MAPK9: variants seen among roughly 807,000 people sequenced by gnomAD.
MAPK9 encodes the protein Jun kinase.
MAPK9 carries 30 observed loss-of-function variants against 57.1 expected under a neutral mutation model. The ratio of observed to expected loss-of-function variants is 0.53; its 90% CI spans 0.39 to 0.71. MAPK9 has a LOEUF of 0.71. MAPK9 is among the 30% of genes least tolerant of loss of function. The probability of loss-of-function intolerance (pLI) is 0.00; values close to 1 mark genes in which losing one functional copy is unlikely to be tolerated. For synonymous variants in MAPK9, 155 were observed against 177.0 expected (o/e 0.88, Z 0.99); for missense variants, 362 against 521.0 (o/e 0.69, Z 2.97).
intron 4 of MAPK9, 150 bp from the exon 5 acceptor site, chr5:180,261,972 A>G (rs530786163): frequency 2.4e-5 from 14 of 572,456 alleles, no homozygotes; most frequent in Middle Eastern, 5.3e-4. Context: ...AAATTTTCCA[A>G]AGAATATATA....
In MAPK9 at chr5:180,235,299, A is replaced by G. The variant is rs1307042906; in HGVS notation, c.*1085T>C. On this transcript the variant is annotated 3_prime_UTR_variant, in exon 12 of 12. Coordinates refer to ENST00000452135, the MANE Select transcript of MAPK9 (RefSeq NM_002752.5). ...AGCCTGGCCTCTGAAAACAGACCAA[A>G]GAGGAGTTTATCTGCTTTCTTCCAG... 6.6e-6 allele frequency: 1 copy of G among 152,178 alleles called. No individual in the cohort carries two copies. Among genetic ancestry groups the G allele is most frequent in the East Asian group, 1.9e-4 (1 of 5,188 alleles). The allele number at this position is 152,178 out of a possible 1,614,324, so 9.4% of individuals were successfully genotyped here.
chr5:180,273,274 A>G (rs1761514065), intron 2 of MAPK9, among the ~76,000 whole-genome samples: 1 of 152,110 alleles, frequency 6.6e-6, no homozygotes, highest in African/African-American at 2.4e-5. Context: ...ATTTTTTTTC[A>G]GTCATATATC....
chr5:180,259,753 G>A (rs973301778), intron 5 of MAPK9, among the ~76,000 whole-genome samples: 1 of 151,632 alleles, frequency 6.6e-6, no homozygotes, highest in Non-Finnish European at 1.5e-5. Context: ...GCAATGTGGT[G>A]AAGTCTTCAG....
intron 2 of MAPK9, among the ~76,000 whole-genome samples, chr5:180,272,713 T>C (rs931437136): frequency 2.6e-5 from 4 of 152,242 alleles, no homozygotes; most frequent in African/African-American, 9.6e-5. Context: ...TGCTATAAGA[T>C]TCCTTTGTAT....
intron 5 of MAPK9, among the ~76,000 whole-genome samples, chr5:180,254,174 C>G (rs765670680): frequency 6.6e-6 from 1 of 152,126 alleles, no homozygotes; most frequent in Non-Finnish European, 1.5e-5. Context: ...ACCATGTTGA[C>G]CAGGCTGGTG....
intron 5 of MAPK9, among the ~76,000 whole-genome samples, chr5:180,260,772 C>T (rs6868333): frequency 0.49 from 73,826 of 152,000 alleles, 18,638 homozygotes; most frequent in East Asian, 0.74. Context: ...TCATTGAAAA[C>T]AGATTTTGTT....
chr5:180,269,113 T>G (rs1016496880), intron 3 of MAPK9, among the ~76,000 whole-genome samples, 167 bp downstream of exon 3: 1 of 152,192 alleles, frequency 6.6e-6, no homozygotes, highest in African/African-American at 2.4e-5. Flanking sequence ...CATTCCAGCC[T>G]GGGCGACAAA....
At chr5:180,280,387 C>G in intron 2 of MAPK9, 53 bp downstream of exon 2, 1 of 1,575,046 alleles carries the variant, frequency 6.3e-7, no homozygotes, top group Non-Finnish European at 8.6e-7. Flanking sequence ...TTTAGTTTTA[C>G]TTTTTATTAC....
chr5:180,289,852 T>C (rs1763079436), intron 1 of MAPK9, among the ~76,000 whole-genome samples: 1 of 152,206 alleles, frequency 6.6e-6, no homozygotes, highest in Non-Finnish European at 1.5e-5. Context: ...AGAACAAATG[T>C]GGAGTGCTGC....
At chr5:180,291,249 G>A (rs1312671592) in intron 1 of MAPK9, among the ~76,000 whole-genome samples, 2 of 151,088 alleles carry the variant, frequency 1.3e-5, no homozygotes, top group East Asian at 2.0e-4. Flanking sequence ...GGTCCCCTCT[G>A]GCACTGCTGG....
chr5:180,250,919 G>T (rs1758615299), intron 5 of MAPK9, among the ~76,000 whole-genome samples: 1 of 152,172 alleles, frequency 6.6e-6, no homozygotes, highest in Non-Finnish European at 1.5e-5. Flanking sequence ...ACGCTCCGCT[G>T]TGAGGACCAA....
At chr5:180,240,290 C>T (rs976681224) in intron 9 of MAPK9, among the ~76,000 whole-genome samples, 3 of 152,142 alleles carry the variant, frequency 2.0e-5, no homozygotes, top group African/African-American at 7.2e-5. Context: ...TCCCAGAGAC[C>T]CATTATGGAC....
chr5:180,289,823 T>C (rs1489195668), intron 1 of MAPK9, among the ~76,000 whole-genome samples: 1 of 152,194 alleles, frequency 6.6e-6, no homozygotes, highest in Non-Finnish European at 1.5e-5. Context: ...TAATTAGCTA[T>C]TGCCAACATT....
chr5:180,250,184 C>T (rs1041203626), intron 5 of MAPK9, among the ~76,000 whole-genome samples: 15 of 152,306 alleles, frequency 9.8e-5, no homozygotes, highest in African/African-American at 2.9e-4. Flanking sequence ...ACGCCTGGCG[C>T]GAGCAGACAC....
chr5:180,249,557 C>T (rs948639175), intron 5 of MAPK9, among the ~76,000 whole-genome samples: 1 of 151,948 alleles, frequency 6.6e-6, no homozygotes, highest in South Asian at 2.1e-4. Flanking sequence ...CTGCTCTCCA[C>T]GCCTGGACTT....
At chr5:180,248,247 G>A (rs954823295) in intron 6 of MAPK9, among the ~76,000 whole-genome samples, 3 of 152,212 alleles carry the variant, frequency 2.0e-5, no homozygotes, top group Non-Finnish European at 4.4e-5. Flanking sequence ...CTGGCGGGCC[G>A]AGGGGAGAAG....
At chr5:180,258,650 G>A (rs932137424) in intron 5 of MAPK9, among the ~76,000 whole-genome samples, 1 of 151,978 alleles carries the variant, frequency 6.6e-6, no homozygotes, top group African/African-American at 2.4e-5. Flanking sequence ...CCCAATGAAT[G>A]TCAAAAATGG....
chr5:180,269,329 T>C lies in MAPK9; in HGVS notation c.203A>G (p.Lys68Arg). 6.2e-7 allele frequency: 1 copy of C among 1,614,044 alleles called. No individual in the cohort carries two copies. The highest frequency in any genetic ancestry group is 8.5e-7 in the Non-Finnish European group (1 of 1,179,916). ...GAGGACAAGTTCACGATAAGCTCTC[T>C]TTGCATGAGTTTGGTTCTGAAAAGG... ...SRPFQNQTHAKRAYRELVLLK... is the reference protein window; with the variant it reads ...SRPFQNQTHARRAYRELVLLK... Residue 68 changes from lysine to arginine, a missense_variant, in exon 3 of 12, where the codon AAG becomes AGG. Lys to Arg is a conservative substitution (Grantham distance 26). This residue lies in a region of MAPK9 where 127 missense variants were observed against 231.7 expected (regional missense o/e 0.55). Coordinates refer to ENST00000452135, the MANE Select transcript of MAPK9 (RefSeq NM_002752.5).
At chr5:180,285,065 C>A (rs187696142) in intron 1 of MAPK9, among the ~76,000 whole-genome samples, 1 of 152,284 alleles carries the variant, frequency 6.6e-6, no homozygotes, top group Admixed American at 6.5e-5. Context: ...TGAAAAGCTG[C>A]AGAATGATCA....
Sources: allele counts gnomAD v4.1 joint callset (sites outside exome capture counted in the v4.1 genomes callset), GRCh38; gene constraint gnomAD v4.1.1; regional missense constraint gnomAD v4.1.1; transcripts MANE v1.5; gene names NCBI Gene and HGNC (gene_info 2026-07-23, HGNC 2026-07-21).